The following MYO18B variants were observed in gnomAD, a reference collection of about 807,000 sequenced individuals.
The protein encoded by MYO18B is unconventional myosin-XVIIIb.
A neutral mutation model predicts 273.0 loss-of-function variants in MYO18B; 204 were observed. The observed-to-expected ratio is 0.75, with a 90% CI of 0.67 to 0.84. The LOEUF (loss-of-function observed/expected upper bound fraction) is 0.84, where lower values mean the gene tolerates loss of function less well. Ranked by LOEUF, MYO18B falls within the 40% of genes least tolerant of loss-of-function variation. MYO18B has a pLI of 0.00. For synonymous variants in MYO18B, 1,330 were observed against 1,305.7 expected, an observed-to-expected ratio of 1.02 and a Z score of -0.40; for missense variants, 3,212 against 3,287.6, an observed-to-expected ratio of 0.98 and a Z score of 0.56.
In MYO18B at chr22:26,027,891, T is replaced by C. The variant is rs1392343994; in HGVS notation, c.*12+201T>C. 2 of 538,014 alleles carry C rather than the reference T, an allele frequency of 3.7e-6. No individual in the cohort carries two copies. The highest frequency in any genetic ancestry group is 6.5e-6 in the Non-Finnish European group (2 of 309,148). The allele number at this position is 538,014 out of a possible 1,614,324, so 33.3% of individuals were successfully genotyped here. ...TCTGCTGGGTACCTCTACTTCCTTG[T>C]ACTTTGAAATGCAGACACATCAGAA... On this transcript the variant is annotated intron_variant, in intron 43 of 43. Coordinates refer to ENST00000335473, the MANE Select transcript of MYO18B (RefSeq NM_032608.7). The surrounding 1 kb of genome is among the most constrained non-coding windows in gnomAD (Gnocchi z 4.1).
chr22:25,842,201 A>C (rs2090103031), intron 17 of MYO18B, among the ~76,000 whole-genome samples: 1 of 152,208 alleles, frequency 6.6e-6, no homozygotes, highest in Non-Finnish European at 1.5e-5. Flanking sequence ...GAGTTCCAAG[A>C]AATGCAGGTC....
intron 1 of MYO18B, among the ~76,000 whole-genome samples, chr22:25,760,522 G>A (rs1325820920): frequency 4.0e-5 from 6 of 150,270 alleles, no homozygotes; most frequent in South Asian, 2.1e-4. Flanking sequence ...TTTACTTTTT[G>A]ATCAAGCTAC....
intron 1 of MYO18B, among the ~76,000 whole-genome samples, chr22:25,748,029 A>G (rs1050779799): frequency 6.6e-6 from 1 of 152,204 alleles, no homozygotes; most frequent in Non-Finnish European, 1.5e-5. Flanking sequence ...TTGCAGAGTG[A>G]AATGTCCACT....
At chr22:25,998,337 C>T (rs147498806) in intron 40 of MYO18B, among the ~76,000 whole-genome samples, 17 of 152,242 alleles carry the variant, frequency 1.1e-4, no homozygotes, top group Non-Finnish European at 2.2e-4. Flanking sequence ...CCAGGGGCTG[C>T]GGCTGCTCTG....
intron 16 of MYO18B, among the ~76,000 whole-genome samples, chr22:25,834,221 A>G (rs954677124): frequency 2.7e-5 from 4 of 150,096 alleles, no homozygotes; most frequent in African/African-American, 9.8e-5. Flanking sequence ...ATCTTGGCTC[A>G]TTGCAACTTC....
At chr22:26,014,632 C>T (rs1366941073) in intron 42 of MYO18B, among the ~76,000 whole-genome samples, 2 of 152,176 alleles carry the variant, frequency 1.3e-5, no homozygotes, top group African/African-American at 2.4e-5. Flanking sequence ...GGCTTTTATT[C>T]TCTTACATAA....
chr22:25,828,935 G>A lies in MYO18B; in HGVS notation c.2946G>A (p.Arg982=), dbSNP rs774646783. The change falls in exon 15 of 44, where the codon CGG becomes CGA. Residue 982 remains arginine, a synonymous_variant. Transcript: ENST00000335473. ...GCCTGCAGCTGCTGTTCTACCAGCG[G>A]ACCTTTGTCTCCACGCTACAGCGAT... ...HERLQLLFYQ[R]TFVSTLQRYQ... The A allele has an allele frequency of 6.2e-6, 10 of 1,613,878 alleles. No individual in the cohort carries two copies. The highest frequency in any genetic ancestry group is 8.5e-6 in the Non-Finnish European group (10 of 1,179,906).
Position 26,004,703 on chromosome 22 carries a change from G to A in MYO18B, c.6333-15G>A. On this transcript the variant is annotated splice_polypyrimidine_tract_variant and intron_variant, in intron 41 of 43. Coordinates refer to ENST00000335473, the MANE Select transcript of MYO18B (RefSeq NM_032608.7). ...ATTGTCATTGTGCTGATGGTGTCCT[G>A]CAATCTTATTCTAGGGATAACGTCT... 1 of 1,613,120 alleles carries A rather than the reference G, an allele frequency of 6.2e-7. No homozygotes were observed. The highest frequency in any genetic ancestry group is 8.5e-7 in the Non-Finnish European group (1 of 1,179,430).
the MYO18B span, among the ~76,000 whole-genome samples, chr22:26,053,925 G>T: frequency 1.3e-5 from 2 of 152,152 alleles, no homozygotes; most frequent in Non-Finnish European, 2.9e-5. Flanking sequence ...CACACCAGCT[G>T]CAAAAGAGAT....
chr22:26,052,895 C>T, the MYO18B span, among the ~76,000 whole-genome samples: 3 of 151,496 alleles, frequency 2.0e-5, no homozygotes, highest in Non-Finnish European at 2.9e-5. Context: ...CTCTGCCTCC[C>T]GGGTTCATGC....
At chr22:25,984,841 C>T (rs1335682396) in intron 39 of MYO18B, among the ~76,000 whole-genome samples, 3 of 151,272 alleles carry the variant, frequency 2.0e-5, no homozygotes, top group African/African-American at 4.9e-5. Flanking sequence ...GAGTTCTGAT[C>T]GATGCTGGCA....
rs1339399198 is a variant in MYO18B at position 26,026,432 on chromosome 22, C to A, written c.6471-13C>A. 6.3e-7 allele frequency: 1 copy of A among 1,584,464 alleles called. No individual in the cohort carries two copies. The highest frequency in any genetic ancestry group is 2.3e-5 in the East Asian group (1 of 44,438). On this transcript the variant is annotated splice_polypyrimidine_tract_variant and intron_variant, in intron 42 of 43. Coordinates refer to ENST00000335473, the MANE Select transcript of MYO18B (RefSeq NM_032608.7). ...CACAATTTCTACAGACTGCATTTTT[C>A]TTCTTGGCACAGGATAAACGAAGAG...
chr22:26,047,125 ATTTTT>A, the MYO18B span, among the ~76,000 whole-genome samples: 3 of 134,836 alleles, frequency 2.2e-5, no homozygotes, highest in South Asian at 7.3e-4. Flanking sequence ...TAGTTGGCCC[ATTTTT>A]TTTTTTTTTT....
At position 25,780,224 on chromosome 22, in the gene MYO18B, G is replaced by C. The variant is rs568225055; in HGVS notation, c.2211+26G>C. On this transcript the variant is annotated intron_variant, in intron 9 of 43. Transcript: ENST00000335473. ...GTGAGGCCTCTCGGGGGATGTGCAA[G>C]GGGGCCCTTGGGGCTGCTGTGTCTC... 3.8e-6 allele frequency: 6 copies of C among 1,584,892 alleles called. No individual in the cohort carries two copies. The South Asian group carries it at 5.7e-5, about 15-fold the overall frequency.
chr22:25,913,019 A>G (rs563907871), intron 33 of MYO18B, among the ~76,000 whole-genome samples: 10 of 152,294 alleles, frequency 6.6e-5, no homozygotes, highest in African/African-American at 1.9e-4. Context: ...GTAGTTAGTT[A>G]CTTCCACCCT....
At chr22:25,875,295 C>T (rs1006761441) in intron 23 of MYO18B, among the ~76,000 whole-genome samples, 3 of 152,218 alleles carry the variant, frequency 2.0e-5, no homozygotes, top group African/African-American at 7.2e-5. Flanking sequence ...GTGACTTTAC[C>T]TCTCTGAACC....
rs374300047 is a variant in MYO18B, at chr22:25,780,165, C to T, written c.2178C>T (p.Asn726=). Residue 726 remains asparagine, a synonymous_variant, in exon 9 of 44, where the codon AAC becomes AAT. Transcript: ENST00000335473. ...RFSMVMSLDF[N]ATGRITAAQL... ...CCATGGTGATGTCGCTGGACTTCAACGCTACAGGCCGCATCACAGCTGCTC... is the reference window on the plus strand; with the variant it reads ...CCATGGTGATGTCGCTGGACTTCAATGCTACAGGCCGCATCACAGCTGCTC... The T allele has an allele frequency of 3.1e-5, 49 of 1,606,436 alleles. No homozygotes were observed. The East Asian group carries it at 5.6e-4, about 18-fold the overall frequency.
At chr22:25,772,261 C>CGG in intron 6 of MYO18B, 73 bp from the exon 7 acceptor site, 1 of 1,174,726 alleles carries the variant, frequency 8.5e-7, no homozygotes, top group Non-Finnish European at 1.1e-6. Context: ...TGTTTGGTTG[C>CGG]GGGGGGGTGG....
At chr22:25,951,347 A>G (rs1440942447) in intron 37 of MYO18B, among the ~76,000 whole-genome samples, 1 of 152,192 alleles carries the variant, frequency 6.6e-6, no homozygotes, top group Admixed American at 6.5e-5. Flanking sequence ...AGTTCATTCA[A>G]ATACTCACTC....
Sources: allele counts gnomAD v4.1 joint callset (sites outside exome capture counted in the v4.1 genomes callset), GRCh38; gene constraint gnomAD v4.1.1; non-coding constraint Gnocchi (gnomAD v3.1); transcripts MANE v1.5; gene names NCBI Gene and HGNC (gene_info 2026-07-23, HGNC 2026-07-21).